NOL4L: variants seen among roughly 807,000 people sequenced by gnomAD.
NOL4L encodes the protein nucleolar protein 4 like.
Under a neutral mutation model 64.5 loss-of-function variants are expected in NOL4L, and 7 were observed. That is an observed-to-expected ratio of 0.11 (90% CI 0.06 to 0.20). The LOEUF is 0.20. NOL4L is among the 10% of genes least tolerant of loss of function. The pLI is 1.00. For synonymous variants in NOL4L, 413 were observed against 401.0 expected (o/e 1.03, Z -0.36); for missense variants, 680 against 967.1 (o/e 0.70, Z 3.94).
intron 5 of NOL4L, among the ~76,000 whole-genome samples, chr20:32,471,812 C>CT (rs1489020093): frequency 6.6e-6 from 1 of 152,056 alleles, no homozygotes; most frequent in Non-Finnish European, 1.5e-5. Context: ...CTGGTACCTC[C>CT]TCCCTCTCTC....
At chr20:32,578,976 T>G (rs1337895314) in intron 1 of NOL4L, among the ~76,000 whole-genome samples, 1 of 152,178 alleles carries the variant, frequency 6.6e-6, no homozygotes, top group African/African-American at 2.4e-5. Flanking sequence ...GACGGGGGTA[T>G]GGCACCACCT....
intron 1 of NOL4L, among the ~76,000 whole-genome samples, chr20:32,545,594 C>T (rs1207105905): frequency 1.3e-5 from 2 of 151,542 alleles, no homozygotes; most frequent in South Asian, 2.1e-4. Flanking sequence ...CACCACCAAA[C>T]TTCCTCCCCC....
chr20:32,515,955 T>C (rs930117286), intron 3 of NOL4L, among the ~76,000 whole-genome samples: 4 of 152,172 alleles, frequency 2.6e-5, no homozygotes, highest in Non-Finnish European at 5.9e-5. Context: ...GAATAATCAA[T>C]GATGTGGGTG....
Position 32,527,749 on chromosome 20 carries a change from A to G in NOL4L, c.477+9T>C. On this transcript the variant is annotated intron_variant, in intron 2 of 10. Transcript: ENST00000621426. ...GCTGCCAGTGGAGGCAAAGAGACAG[A>G]AATCTCACCGCTCGGTAGGTTTTCT... The G allele has an allele frequency of 6.5e-7, 1 of 1,544,646 alleles. No individual in the cohort carries two copies. Among genetic ancestry groups the G allele is most frequent in the Non-Finnish European group, 8.8e-7 (1 of 1,142,612 alleles).
intron 2 of NOL4L, 86 bp downstream of exon 2, chr20:32,527,672 G>GC (rs909501985): frequency 7.0e-7 from 1 of 1,429,064 alleles, no homozygotes; most frequent in Non-Finnish European, 9.3e-7. Context: ...TCCCTGCCCC[G>GC]CCCCCCAAGC....
rs539849417 is a variant in NOL4L, at chr20:32,447,284, C to T, written c.*312G>A. On this transcript the variant is annotated 3_prime_UTR_variant, in exon 11 of 11. Transcript: ENST00000621426. ...GGTGGGATTCTAACATCAGGGTCCA[C>T]GAAGGTGATTCTAAACAGAGCTGCA... 9 of 573,704 alleles carry T rather than the reference C, an allele frequency of 1.6e-5. No homozygotes were observed. Among genetic ancestry groups the T allele is most frequent in the East Asian group, 8.1e-5 (2 of 24,556 alleles). 35.5% of individuals were successfully genotyped at this position (573,704 alleles called of 1,614,324 possible).
chr20:32,575,785 A>C (rs903012463), intron 1 of NOL4L, among the ~76,000 whole-genome samples: 4 of 152,220 alleles, frequency 2.6e-5, no homozygotes, highest in African/African-American at 9.6e-5. Context: ...CAGAGGAAAA[A>C]TCAAGTAGAA....
At chr20:32,475,558 C>A (rs2015339118) in intron 4 of NOL4L, among the ~76,000 whole-genome samples, 1 of 152,256 alleles carries the variant, frequency 6.6e-6, no homozygotes, top group South Asian at 2.1e-4. Context: ...GGGGCCCCTT[C>A]AACCCAGCCC....
chr20:32,447,064 T>A lies in NOL4L; in HGVS notation c.*532A>T. 2.6e-6 allele frequency: 1 copy of A among 378,158 alleles called. No individual in the cohort carries two copies. The highest frequency in any genetic ancestry group is 5.2e-6 in the Non-Finnish European group (1 of 192,622). The allele number at this position is 378,158 out of a possible 1,614,324, so 23.4% of individuals were successfully genotyped here. A position where few individuals can be genotyped will look rare whatever the true frequency, so the allele number is the denominator to read the frequency against. On this transcript the variant is annotated 3_prime_UTR_variant, in exon 11 of 11. Coordinates refer to ENST00000621426, the MANE Select transcript of NOL4L (RefSeq NM_001256798.2). ...CTACTGGCCCCAGCCCACATCAGTG[T>A]AGTGATATGGAATGTTAGGTATGGG... is the stretch of plus-strand genomic sequence containing the variant.
chr20:32,503,843 CT>C (rs541547212), intron 4 of NOL4L, among the ~76,000 whole-genome samples: 2,577 of 151,106 alleles, frequency 0.017, 41 homozygotes, highest in South Asian at 0.038. Flanking sequence ...CTACTTAATG[CT>C]TTTTTTTTGC....
chr20:32,490,140 A>AG (rs1568651217), intron 4 of NOL4L, among the ~76,000 whole-genome samples: 1 of 144,428 alleles, frequency 6.9e-6, no homozygotes, highest in Admixed American at 6.9e-5. Context: ...AAAAAAAAAA[A>AG]AAAAATATAT....
intron 5 of NOL4L, among the ~76,000 whole-genome samples, chr20:32,467,529 C>T (rs925215901): frequency 6.6e-6 from 1 of 152,156 alleles, no homozygotes; most frequent in Non-Finnish European, 1.5e-5. Context: ...CAGGGTCCCA[C>T]AGGCCTCCAT....
At chr20:32,502,179 A>G (rs1359665276) in intron 4 of NOL4L, among the ~76,000 whole-genome samples, 2 of 152,232 alleles carry the variant, frequency 1.3e-5, no homozygotes, top group Non-Finnish European at 2.9e-5. Context: ...CCAAAATAGG[A>G]GTTAAATACC....
intron 10 of NOL4L, among the ~76,000 whole-genome samples, chr20:32,451,929 T>A (rs759705878): frequency 6.6e-6 from 1 of 151,364 alleles, no homozygotes; most frequent in Non-Finnish European, 1.5e-5. Flanking sequence ...CCTGGGGGAG[T>A]GGAACCAGTG....
At chr20:32,553,522 C>T (rs1425412691) in intron 1 of NOL4L, among the ~76,000 whole-genome samples, 1 of 152,342 alleles carries the variant, frequency 6.6e-6, no homozygotes, top group Non-Finnish European at 1.5e-5. Context: ...CCTCCCCACA[C>T]CTATCTCAAG....
At chr20:32,536,475 T>G in intron 1 of NOL4L, 1 of 117,326 alleles carries the variant, frequency 8.5e-6, no homozygotes, top group Non-Finnish European at 1.6e-5. Flanking sequence ...TGACAGCTGC[T>G]CGGGCGGGGG....
chr20:32,475,429 G>C, intron 4 of NOL4L: 1 of 713,968 alleles, frequency 1.4e-6, no homozygotes, highest in Non-Finnish European at 1.7e-6. Flanking sequence ...GGGCCTGGGG[G>C]GCCGCCAGGG....
chr20:32,456,159 G>C lies in NOL4L; in HGVS notation c.1078C>G (p.Leu360Val), dbSNP rs1392071514. 3.8e-6 allele frequency: 6 copies of C among 1,572,496 alleles called. No individual in the cohort carries two copies. Among genetic ancestry groups the C allele is most frequent in the Non-Finnish European group, 5.2e-6 (6 of 1,157,740 alleles). The change falls in exon 6 of 11, where the codon CTG becomes GTG. Residue 360 changes from leucine (L) to valine (V), a missense_variant. Leu to Val is a conservative substitution (Grantham distance 32). Coordinates refer to ENST00000621426, the MANE Select transcript of NOL4L (RefSeq NM_001256798.2). ...ACCCCGTATTTGACGCGGCTCCGCA[G>C]CCCGTCGGCACCGCAGCCATCCGAG... Reference protein sequence around the residue: ...YPSDGCGADGLRSRVKYGVKT... With the variant: ...YPSDGCGADGVRSRVKYGVKT...
intron 4 of NOL4L, among the ~76,000 whole-genome samples, chr20:32,497,799 T>A (rs1161749524): frequency 6.6e-6 from 1 of 151,946 alleles, no homozygotes; most frequent in African/African-American, 2.4e-5. Context: ...CTGGCAGGGG[T>A]GTTTTACTGC....
Sources: allele counts gnomAD v4.1 joint callset (sites outside exome capture counted in the v4.1 genomes callset), GRCh38; gene constraint gnomAD v4.1.1; transcripts MANE v1.5; gene names NCBI Gene and HGNC (gene_info 2026-07-23, HGNC 2026-07-21).